Variants in SPTA1 observed in about 807,000 individuals in gnomAD.
SPTA1 encodes the protein spectrin alpha, erythrocytic 1.
In SPTA1, 177 loss-of-function variants were observed where a neutral mutation model predicts 324.7. The observed-to-expected ratio is 0.55, with a 90% confidence interval of 0.48 to 0.62. SPTA1 has a LOEUF of 0.62. Among genes scored for constraint, SPTA1 ranks in the 20% least tolerant of loss-of-function variants. The pLI is 0.00. For missense variants in SPTA1, 3,162 were observed against 2,883.6 expected, an observed-to-expected ratio of 1.10 and a Z score of -2.21; for synonymous variants, 1,195 against 1,041.3, an observed-to-expected ratio of 1.15 and a Z score of -2.84.
At position 158,626,730 on chromosome 1, in the gene SPTA1, T is replaced by TTGTAATTCTGTCCAGAAAGGATA. The variant is rs1191963105; in HGVS notation, c.5833+108_5833+109insTATCCTTTCTGGACAGAATTACA. On this transcript the variant is annotated intron_variant, in intron 41 of 51. Transcript: ENST00000643759. Reference sequence around the variant, plus strand: ...CAGAAAGGATAGGAATGGGTAGTGATGGAAACACCTCCTTTCATACAGTAA... The same window carrying TTGTAATTCTGTCCAGAAAGGATA: ...CAGAAAGGATAGGAATGGGTAGTGATTGTAATTCTGTCCAGAAAGGATAGGAAACACCTCCTTTCATACAGTAA... The TTGTAATTCTGTCCAGAAAGGATA allele has an allele frequency of 4.5e-5, 64 of 1,425,796 alleles. No individual in the cohort carries two copies. In the East Asian group the frequency reaches 6.6e-4, roughly 15 times the overall value. 88.3% of individuals were successfully genotyped at this position (1,425,796 alleles called of 1,614,324 possible).
At chr1:158,648,434 C>T in intron 26 of SPTA1, 75 bp downstream of exon 26, 1 of 1,593,902 alleles carries the variant, frequency 6.3e-7, no homozygotes, top group East Asian at 2.2e-5. Flanking sequence ...AAAAGAGAAC[C>T]AAAGAAGAGG....
chr1:158,650,392 T>C (rs533406287), intron 24 of SPTA1, among the ~76,000 whole-genome samples: 5 of 152,180 alleles, frequency 3.3e-5, no homozygotes, highest in Middle Eastern at 3.2e-3. Flanking sequence ...CACCTTCTTA[T>C]CCCATAACAA....
rs529786588 is a variant in SPTA1, at chr1:158,638,036, A to G, written c.5186T>C (p.Ile1729Thr). 3.7e-6 allele frequency: 6 copies of G among 1,613,604 alleles called. No individual in the cohort carries two copies. Among genetic ancestry groups the G allele is most frequent in the East Asian group, 2.2e-5 (1 of 44,884 alleles). ...FQDLDDEESW[I>T]EEKLIRVSSQ... The stretch of plus-strand genomic sequence containing the variant: ...TTTTTGAGCTGGTGGCACATACTCT[A>G]TCCAGGATTCCTCATCATCTAGATC... The change falls in exon 36 of 52, where the codon ATA (isoleucine) becomes ACA (threonine). Residue 1729 changes from isoleucine (I) to threonine (T), a missense_variant. By Grantham distance (89) the Ile-to-Thr change is moderately conservative. Coordinates refer to ENST00000643759, the MANE Select transcript of SPTA1 (RefSeq NM_003126.4).
chr1:158,682,671 A>G (rs1205272031), intron 3 of SPTA1, among the ~76,000 whole-genome samples: 1 of 152,202 alleles, frequency 6.6e-6, no homozygotes, highest in Non-Finnish European at 1.5e-5. Context: ...AAAATACATA[A>G]ACAGTAAAAA....
chr1:158,644,346 C>A lies in SPTA1; in HGVS notation c.4245G>T (p.Glu1415Asp). ...TTTTGTCATCTGACCTCAGGGAATT[C>A]TCACGTGCCACCATCCAGCTCTCAA... ...DQVESWMVAR[E>D]NSLRSDDKSS... Residue 1415 changes from glutamate (E) to aspartate (D), a missense_variant, in exon 30 of 52, where the codon GAG (glutamate) becomes GAT (aspartate). Physicochemically the swap from Glu to Asp is conservative, Grantham distance 45. Coordinates refer to ENST00000643759, the MANE Select transcript of SPTA1 (RefSeq NM_003126.4). 1 of 1,613,936 alleles carries A rather than the reference C, an allele frequency of 6.2e-7. No homozygotes were observed. The highest frequency in any genetic ancestry group is 8.5e-7 in the Non-Finnish European group (1 of 1,179,896).
intron 43 of SPTA1, among the ~76,000 whole-genome samples, chr1:158,622,121 A>G (rs1649955260): frequency 6.6e-6 from 1 of 152,056 alleles, no homozygotes; most frequent in Non-Finnish European, 1.5e-5. Flanking sequence ...GCCTTGCCCT[A>G]CCAAAGTGCT....
At chr1:158,641,159 C>G (rs1233509000) in intron 33 of SPTA1, among the ~76,000 whole-genome samples, 1 of 152,108 alleles carries the variant, frequency 6.6e-6, no homozygotes, top group Non-Finnish European at 1.5e-5. Flanking sequence ...AAAATTAATT[C>G]AAGATGGATT....
At chr1:158,629,334 A>G (rs932239928) in intron 39 of SPTA1, among the ~76,000 whole-genome samples, 1 of 151,934 alleles carries the variant, frequency 6.6e-6, no homozygotes, top group African/African-American at 2.4e-5. Context: ...ATGATTATAT[A>G]CCACAAACAA....
rs1003835296 is a variant in SPTA1, at chr1:158,642,075, C to T, written c.4737+336G>A. ...ATCACAAGGACAAAAAACCAAACAC[C>T]GCATGTTTTCACTCATAGGTGGGAA... On this transcript the variant is annotated intron_variant, in intron 33 of 51. Coordinates refer to ENST00000643759, the MANE Select transcript of SPTA1 (RefSeq NM_003126.4). Among the ~76,000 whole-genome samples, 4 of 151,952 alleles carry T rather than the reference C, an allele frequency of 2.6e-5. No homozygotes were observed. In the South Asian group the frequency reaches 6.2e-4, roughly 24 times the overall value.
intron 14 of SPTA1, among the ~76,000 whole-genome samples, chr1:158,668,631 C>A (rs1403698130): frequency 6.6e-6 from 1 of 152,090 alleles, no homozygotes; most frequent in Non-Finnish European, 1.5e-5. Context: ...AATCAAAAGC[C>A]TAATTCTCAT....
chr1:158,645,387 T>C lies in SPTA1; in HGVS notation c.3997-2A>G. On this transcript the variant is annotated splice_acceptor_variant, in intron 28 of 51. Coordinates refer to ENST00000643759, the MANE Select transcript of SPTA1 (RefSeq NM_003126.4). LOFTEE classifies it high-confidence loss of function. ...TGCCTCCATGTCAGCACGGTGCTCC[T>C]GTGGGAAAAAGGGGGAAGAAATCAG... 6.2e-7 allele frequency: 1 copy of C among 1,613,922 alleles called. No homozygotes were observed. The highest frequency in any genetic ancestry group is 8.5e-7 in the Non-Finnish European group (1 of 1,179,926).
At chr1:158,648,089 C>T (rs886714975) in intron 26 of SPTA1, among the ~76,000 whole-genome samples, 5 of 152,126 alleles carry the variant, frequency 3.3e-5, no homozygotes, top group African/African-American at 9.7e-5. Flanking sequence ...CCAGAGTACA[C>T]TTTTGGGTTG....
chr1:158,632,623 A>T (rs1258411364), intron 39 of SPTA1, among the ~76,000 whole-genome samples: 1 of 152,250 alleles, frequency 6.6e-6, no homozygotes, highest in African/African-American at 2.4e-5. Context: ...CTATATATCT[A>T]TGTGAATGAC....
chr1:158,643,516 C>G (rs1336534882), intron 30 of SPTA1, 91 bp from the exon 31 acceptor site: 1 of 1,257,722 alleles, frequency 8.0e-7, no homozygotes, highest in Non-Finnish European at 1.1e-6. Context: ...ATGAAGGTAT[C>G]CTTTGTGGAT....
At chr1:158,613,365 T>C (rs1259090714) in intron 50 of SPTA1, among the ~76,000 whole-genome samples, 2 of 152,228 alleles carry the variant, frequency 1.3e-5, no homozygotes, top group Non-Finnish European at 2.9e-5. Flanking sequence ...CATAAGCACA[T>C]AACCACCCCA....
Position 158,674,578 on chromosome 1 carries a change from C to A in SPTA1, c.1210G>T (p.Gly404Cys). The A allele has an allele frequency of 6.2e-7, 1 of 1,614,156 alleles. No individual in the cohort carries two copies. Among genetic ancestry groups the A allele is most frequent in the Non-Finnish European group, 8.5e-7 (1 of 1,180,012 alleles). Residue 404 changes from glycine (G) to cysteine (C), a missense_variant, in exon 9 of 52, where the codon GGT (glycine) becomes TGT (cysteine). Coordinates refer to ENST00000643759, the MANE Select transcript of SPTA1 (RefSeq NM_003126.4). Reference protein sequence around the residue: ...NADELPTDVAGGEVLLDRHQQ... With the variant: ...NADELPTDVACGEVLLDRHQQ... ...TGCCTGTCCAGCAGAACTTCTCCAC[C>A]AGCCACATCTGTTGGCAGCTCATCA...
chr1:158,627,137 G>T, intron 40 of SPTA1, 130 bp from the exon 41 acceptor site: 2 of 1,238,590 alleles, frequency 1.6e-6, no homozygotes, highest in Non-Finnish European at 2.3e-6. Flanking sequence ...CTTAGTTTGT[G>T]TAAGTTTCTA....
chr1:158,636,335 C>T (rs962557665), intron 37 of SPTA1, among the ~76,000 whole-genome samples: 7 of 152,154 alleles, frequency 4.6e-5, no homozygotes, highest in African/African-American at 1.4e-4. Flanking sequence ...CCCAGAGTTG[C>T]CTTCTTCCCA....
Position 158,633,702 on chromosome 1 carries a change from GT to G in SPTA1, c.5565+840del, listed in dbSNP as rs1163443927. On this transcript the variant is annotated intron_variant, in intron 39 of 51. Coordinates refer to ENST00000643759, the MANE Select transcript of SPTA1 (RefSeq NM_003126.4). ...AAGAAAAGAAAAAAGAAAAAGTTCT[GT>G]TGTAAAGAAAGGGAAGCCTTTGAGA... Among the ~76,000 whole-genome samples, 5 of 151,246 alleles carry G rather than the reference GT, an allele frequency of 3.3e-5. No individual in the cohort carries two copies. In the East Asian group the frequency reaches 9.7e-4, roughly 29 times the overall value.
Sources: gnomAD v4.1 joint callset for allele counts (sites outside exome capture counted in the v4.1 genomes callset) on GRCh38, gnomAD v4.1.1 for gene constraint, MANE v1.5 for transcripts, NCBI Gene and HGNC (gene_info 2026-07-23, HGNC 2026-07-21) for gene names.